FANCA: variants seen among roughly 807,000 people sequenced by gnomAD.
FANCA encodes Fanconi anemia group A protein.
A neutral mutation model predicts 194.3 loss-of-function variants in FANCA; 236 were observed. The ratio of observed to expected loss-of-function variants is 1.21; its 90% CI spans 1.09 to 1.35. The LOEUF (loss-of-function observed/expected upper bound fraction) is 1.35. Ranked by LOEUF, FANCA falls within the 40% of genes most tolerant of loss-of-function variation. The pLI, the probability that FANCA is intolerant of heterozygous loss-of-function variation, is 0.00. For missense variants in FANCA, 2,628 were observed against 1,813.9 expected (o/e 1.45, Z -8.15); for synonymous variants, 1,014 against 715.8 (o/e 1.42, Z -6.65).
Position 89,779,868 on chromosome 16 carries a change from C to T in FANCA, c.1715+1G>A. ...GAGGCCTTTTCGGCAGCCCAGCCTA[C>T]CTGGCCTCCATGACGGTGACTGGGA... On this transcript the variant is annotated splice_donor_variant, in intron 18 of 42. Transcript: ENST00000389301. LOFTEE classifies it high-confidence loss of function. 6.2e-7 allele frequency: 1 copy of T among 1,613,480 alleles called. No individual in the cohort carries two copies. The highest frequency in any genetic ancestry group is 8.5e-7 in the Non-Finnish European group (1 of 1,179,948).
Position 89,792,605 on chromosome 16 carries a change from T to C in FANCA, c.1007-58A>G, listed in dbSNP as rs370027232. 450 of 1,506,632 alleles carry C rather than the reference T, an allele frequency of 3.0e-4. 3 individuals carry two copies. The African/African-American group carries it at 6.0e-3, about 20-fold the overall frequency. The allele number at this position is 1,506,632 out of a possible 1,614,324, so 93.3% of individuals were successfully genotyped here. ...TCAGAGATCAAAAAGTTGTGGGTTT[T>C]TGTTAAGGACCAGCCCCACAGGGTC... is the stretch of plus-strand genomic sequence containing the variant. On this transcript the variant is annotated intron_variant, in intron 11 of 42. Coordinates refer to ENST00000389301, the MANE Select transcript of FANCA (RefSeq NM_000135.4).
chr16:89,783,048 C>A lies in FANCA; in HGVS notation c.1525G>T (p.Asp509Tyr). ...VPGKYRSLLT[D>Y]YISLAKTRLA... is the part of the protein sequence containing the mutation. ...CGTGTCTTGGCCAATGAGATGTAGT[C>A]TGTGAGGAGGGAGCGGTACTTGCCG... The change falls in exon 16 of 43, where the codon GAC (aspartate) becomes TAC (tyrosine). Residue 509 changes from aspartate to tyrosine, a missense_variant. By Grantham distance (160) the Asp-to-Tyr change is radical. Coordinates refer to ENST00000389301, the MANE Select transcript of FANCA (RefSeq NM_000135.4). 1.2e-6 allele frequency: 2 copies of A among 1,613,692 alleles called. No homozygotes were observed. Among genetic ancestry groups the A allele is most frequent in the Non-Finnish European group, 1.7e-6 (2 of 1,179,776 alleles).
intron 7 of FANCA, among the ~76,000 whole-genome samples, chr16:89,803,996 G>C (rs1242534846): frequency 6.6e-6 from 1 of 152,136 alleles, no homozygotes; most frequent in Non-Finnish European, 1.5e-5. Context: ...TCCAATACCA[G>C]AGGGTCTAGA....
intron 10 of FANCA, chr16:89,798,507 C>A: frequency 9.1e-7 from 1 of 1,102,568 alleles, no homozygotes; most frequent in Admixed American, 4.5e-5. Flanking sequence ...GAAACAGTGG[C>A]AAATTCTACT....
chr16:89,758,746 C>A (rs765430452), intron 29 of FANCA, 41 bp from the exon 30 acceptor site: 2 of 1,608,946 alleles, frequency 1.2e-6, no homozygotes, highest in African/African-American at 1.3e-5. Flanking sequence ...AGAAATGCTT[C>A]GTGGCCAGCG....
intron 15 of FANCA, 128 bp downstream of exon 15, chr16:89,784,726 A>C: frequency 5.2e-6 from 4 of 771,986 alleles, no homozygotes; most frequent in East Asian, 2.5e-5. Context: ...GGGAAGGGGA[A>C]GGGGAAGGGC....
intron 2 of FANCA, among the ~76,000 whole-genome samples, 166 bp from the exon 3 acceptor site, chr16:89,814,779 A>G (rs575192863): frequency 6.7e-6 from 1 of 149,842 alleles, no homozygotes; most frequent in African/African-American, 2.5e-5. Context: ...TGTCTCTACT[A>G]AAAATACAAA....
intron 20 of FANCA, among the ~76,000 whole-genome samples, chr16:89,776,459 G>A (rs555164043): frequency 4.8e-4 from 73 of 151,558 alleles, no homozygotes; most frequent in Non-Finnish European, 8.0e-4. Flanking sequence ...GAGCCACCAC[G>A]CCCAGCAAAA....
intron 21 of FANCA, among the ~76,000 whole-genome samples, chr16:89,773,868 G>A (rs893783817): frequency 6.6e-6 from 1 of 151,628 alleles, no homozygotes; most frequent in Non-Finnish European, 1.5e-5. Context: ...CGCCTCCCGG[G>A]TTCAAATCAT....
rs368496868 is a variant in FANCA at position 89,778,863 on chromosome 16, A to G, written c.1777-13T>C. 66 of 1,613,850 alleles carry G rather than the reference A, an allele frequency of 4.1e-5. No homozygotes were observed. The highest frequency in any genetic ancestry group is 5.3e-5 in the Non-Finnish European group (63 of 1,180,018). ...GGACTTTGGGGAGCTGTGGGAAGAG[A>G]AGAGACCTGTGAGAGACTGACAAGG... is the stretch of plus-strand genomic sequence containing the variant. On this transcript the variant is annotated splice_polypyrimidine_tract_variant and intron_variant, in intron 19 of 42. Coordinates refer to ENST00000389301, the MANE Select transcript of FANCA (RefSeq NM_000135.4).
Position 89,740,881 on chromosome 16 carries a change from G to A in FANCA, c.3766-15C>T, listed in dbSNP as rs749085160. ...AAAACCAATAGCTGTAAATAAAAAC[G>A]TGCACTTATTATTACATTAAAATTA... On this transcript the variant is annotated splice_polypyrimidine_tract_variant and intron_variant, in intron 37 of 42. Coordinates refer to ENST00000389301, the MANE Select transcript of FANCA (RefSeq NM_000135.4). 1.9e-5 allele frequency: 30 copies of A among 1,604,374 alleles called. No homozygotes were observed. The highest frequency in any genetic ancestry group is 2.2e-5 in the Non-Finnish European group (26 of 1,173,352).
chr16:89,807,461 A>C (rs1004388046), intron 6 of FANCA, among the ~76,000 whole-genome samples: 1 of 152,018 alleles, frequency 6.6e-6, no homozygotes, highest in Non-Finnish European at 1.5e-5. Flanking sequence ...TCAAAAAGAA[A>C]AAAAAAGGCC....
Position 89,737,785 on chromosome 16 carries a change from C to T in FANCA, c.*816G>A, listed in dbSNP as rs2061991689. ...GGTTGGAGCATCAGGGGCCTGGACT[C>T]ACTGGACTCTCCCCTCTCAGAGGTG... On this transcript the variant is annotated 3_prime_UTR_variant, in exon 43 of 43. Transcript: ENST00000389301. 6.2e-7 allele frequency: 1 copy of T among 1,613,968 alleles called. No homozygotes were observed.
At position 89,815,878 on chromosome 16, in the gene FANCA, T is replaced by C. The variant is rs1567659053; in HGVS notation, c.188A>G (p.Glu63Gly). ...SHQDLNALLLEVEGPLCKKLS... is the reference protein window; with the variant it reads ...SHQDLNALLLGVEGPLCKKLS... ...AGACGGACACCAGCTTCCTCTTACCTCAAGCAAAAGGGCATTCAGGTCCTG... is the reference window on the plus strand; with the variant it reads ...AGACGGACACCAGCTTCCTCTTACCCCAAGCAAAAGGGCATTCAGGTCCTG... Residue 63 changes from glutamate to glycine, a missense_variant and splice_region_variant, in exon 2 of 43, where the codon GAG becomes GGG. Physicochemically the swap from Glu to Gly is moderately conservative, Grantham distance 98 (BLOSUM62 -2). Transcript: ENST00000389301. 6.2e-7 allele frequency: 1 copy of C among 1,611,488 alleles called. No individual in the cohort carries two copies. The highest frequency in any genetic ancestry group is 2.2e-5 in the East Asian group (1 of 44,852).
chr16:89,785,415 C>G, intron 14 of FANCA, among the ~76,000 whole-genome samples: 1 of 152,188 alleles, frequency 6.6e-6, no homozygotes, highest in East Asian at 1.9e-4. Flanking sequence ...TCTGAACACA[C>G]TTTAACTTCT....
At chr16:89,812,831 G>C (rs1442455753) in intron 3 of FANCA, among the ~76,000 whole-genome samples, 3 of 151,360 alleles carry the variant, frequency 2.0e-5, no homozygotes, top group African/African-American at 4.9e-5. Context: ...TCAGGAGTTT[G>C]AGACCAGCCT....
Position 89,767,007 on chromosome 16 carries a change from T to A in FANCA, c.2601+134A>T, listed in dbSNP as rs2039151644. ...CCAGCCTGACTCAGGAGCTGCCCCA[T>A]GACAGCCAGCCTGACCCAGGAGCTG... On this transcript the variant is annotated intron_variant, in intron 27 of 42. Coordinates refer to ENST00000389301, the MANE Select transcript of FANCA (RefSeq NM_000135.4). 5.2e-6 allele frequency: 4 copies of A among 770,184 alleles called. No homozygotes were observed. The Admixed American group carries it at 5.6e-5, about 11-fold the overall frequency. The allele number at this position is 770,184 out of a possible 1,614,324, so 47.7% of individuals were successfully genotyped here. A position where few individuals can be genotyped will look rare whatever the true frequency, so the allele number is the denominator to read the frequency against.
intron 29 of FANCA, 136 bp from the exon 30 acceptor site, chr16:89,758,841 T>G: frequency 3.0e-6 from 4 of 1,326,292 alleles, no homozygotes; most frequent in Non-Finnish European, 3.2e-6. Flanking sequence ...CTCGGGACCT[T>G]GGAGTAGGGA....
In FANCA at chr16:89,778,948, G is replaced by A. The variant is rs753980264; in HGVS notation, c.1771C>T (p.Arg591Ter). The A allele has an allele frequency of 2.5e-6, 4 of 1,614,150 alleles. No individual in the cohort carries two copies. Among genetic ancestry groups the A allele is most frequent in the African/African-American group, 1.3e-5 (1 of 75,038 alleles). Residue 591 changes from arginine (R) to a stop codon, truncating the protein, a stop_gained, in exon 19 of 43, where the codon CGA becomes TGA. Coordinates refer to ENST00000389301, the MANE Select transcript of FANCA (RefSeq NM_000135.4). LOFTEE classifies it high-confidence loss of function. ...SHFLPALLTP[R>*]VLPKVPDSRV... ...TCATGGAGACGCATACTGACCACTC[G>A]AGGTGTGAGCAGGGCGGGGAGGAAG...
Sources: gnomAD v4.1 joint callset for allele counts (sites outside exome capture counted in the v4.1 genomes callset) on GRCh38, gnomAD v4.1.1 for gene constraint, MANE v1.5 for transcripts, NCBI Gene and HGNC (gene_info 2026-07-23, HGNC 2026-07-21) for gene names.